Variants in BCAS1 observed in about 807,000 individuals in gnomAD.
BCAS1 encodes the protein brain enriched myelin associated protein 1, also known as breast carcinoma-amplified sequence 1.
BCAS1 carries 46 observed loss-of-function variants against 65.4 expected under a neutral mutation model. The observed-to-expected ratio is 0.70, with a 90% confidence interval of 0.55 to 0.90. The LOEUF (loss-of-function observed/expected upper bound fraction) is 0.90. Among genes scored for constraint, BCAS1 ranks in the 40% least tolerant of loss-of-function variants. The probability of loss-of-function intolerance (pLI) is 0.00; values close to 1 mark genes in which losing one functional copy is unlikely to be tolerated. For synonymous variants in BCAS1, 298 were observed against 293.5 expected (o/e 1.02, Z -0.16); for missense variants, 793 against 771.2 (o/e 1.03, Z -0.33).
At chr20:54,042,312 G>A (rs2092014474) in intron 3 of BCAS1, among the ~76,000 whole-genome samples, 1 of 152,004 alleles carries the variant, frequency 6.6e-6, no homozygotes, top group Non-Finnish European at 1.5e-5. Context: ...GTACCCGGGT[G>A]AAAAAATAAT....
chr20:54,018,401 CTTTTTTT>C (rs35997009), intron 4 of BCAS1, among the ~76,000 whole-genome samples: 1 of 136,378 alleles, frequency 7.3e-6, no homozygotes, highest in African/African-American at 2.7e-5. Flanking sequence ...TATCCACTTA[CTTTTTTT>C]TTTTTTTTTT....
rs563400608 is a variant in BCAS1, at chr20:53,996,974, T to C, written c.724-924A>G. Among the ~76,000 whole-genome samples the C allele has an allele frequency of 2.6e-5, 4 of 152,378 alleles. No homozygotes were observed. The South Asian group carries it at 6.2e-4, about 24-fold the overall frequency. On this transcript the variant is annotated intron_variant, in intron 4 of 12. Coordinates refer to ENST00000688948, the MANE Select transcript of BCAS1 (RefSeq NM_001366298.2). ...GGTTATTTCCAAACTTCTGGCTCTC[T>C]GTTTGAAACATTCTGCTCCTCTGTC...
intron 3 of BCAS1, among the ~76,000 whole-genome samples, chr20:54,050,837 T>A (rs2092199537): frequency 6.6e-6 from 1 of 152,198 alleles, no homozygotes; most frequent in Non-Finnish European, 1.5e-5. Flanking sequence ...GAAGAACAAA[T>A]GTTAACTAAA....
chr20:53,977,405 G>A (rs1170280377), intron 8 of BCAS1, among the ~76,000 whole-genome samples: 4 of 152,104 alleles, frequency 2.6e-5, no homozygotes, highest in Non-Finnish European at 4.4e-5. Flanking sequence ...CCTCAAGGCC[G>A]GCCCACAAAA....
At position 54,015,480 on chromosome 20, in the gene BCAS1, GT is replaced by G. The variant is rs200397142; in HGVS notation, c.723+12911del. Among the ~76,000 whole-genome samples, 71 of 148,858 alleles carry G rather than the reference GT, an allele frequency of 4.8e-4. No homozygotes were observed. In the East Asian group the frequency reaches 0.01, roughly 21 times the overall value. On this transcript the variant is annotated intron_variant, in intron 4 of 12. Coordinates refer to ENST00000688948, the MANE Select transcript of BCAS1 (RefSeq NM_001366298.2). Reference sequence around the variant, plus strand: ...TCAACTGATAAAAATTCAATGAGTAGTTTTTTTTTTATAATGCATTCACATC... The same window carrying G: ...TCAACTGATAAAAATTCAATGAGTAGTTTTTTTTTATAATGCATTCACATC...
intron 10 of BCAS1, among the ~76,000 whole-genome samples, chr20:53,958,450 T>C (rs754474594): frequency 1.3e-5 from 2 of 152,156 alleles, no homozygotes; most frequent in Non-Finnish European, 2.9e-5. Context: ...GTTTCAGCCA[T>C]ATGGGGCAAA....
rs962174902 is a variant in BCAS1 at position 54,000,095 on chromosome 20, G to A, written c.724-4045C>T. ...ACTTTAAGTTGCTATAATATATCCC[G>A]GCATATCTGATGCTGCTAATTGCTT... On this transcript the variant is annotated intron_variant, in intron 4 of 12. Coordinates refer to ENST00000688948, the MANE Select transcript of BCAS1 (RefSeq NM_001366298.2). 6.6e-5 allele frequency among the ~76,000 whole-genome samples: 10 copies of A among 152,042 alleles called. 1 individual carries two copies. Among genetic ancestry groups the A allele is most frequent in the Admixed American group, 1.3e-4 (2 of 15,264 alleles).
chr20:54,065,720 G>A (rs565198699), intron 1 of BCAS1, among the ~76,000 whole-genome samples: 21 of 152,276 alleles, frequency 1.4e-4, no homozygotes, highest in Admixed American at 5.2e-4. Context: ...GTGAAATAGC[G>A]CAAGCCCTCT....
At chr20:53,971,793 C>G (rs892536660) in intron 9 of BCAS1, among the ~76,000 whole-genome samples, 3 of 152,122 alleles carry the variant, frequency 2.0e-5, no homozygotes, top group African/African-American at 7.2e-5. Context: ...AGATAAACAA[C>G]AGAAGTACCT....
rs190350184 is a variant in BCAS1 at position 53,981,787 on chromosome 20, T to A, written c.1275+3500A>T. Reference sequence around the variant, plus strand: ...AGGGATATTTTGAAGATATTCCAAATATATCAATTATTAATTACAAATACA... The same window carrying A: ...AGGGATATTTTGAAGATATTCCAAAAATATCAATTATTAATTACAAATACA... On this transcript the variant is annotated intron_variant, in intron 8 of 12. Transcript: ENST00000688948. Among the ~76,000 whole-genome samples, 17 of 150,784 alleles carry A rather than the reference T, an allele frequency of 1.1e-4. No homozygotes were observed. The East Asian group carries it at 2.7e-3, about 24-fold the overall frequency.
chr20:54,015,696 C>T (rs144707016), intron 4 of BCAS1, among the ~76,000 whole-genome samples: 281 of 152,270 alleles, frequency 1.8e-3, no homozygotes, highest in Non-Finnish European at 3.0e-3. Flanking sequence ...TGAATTGTCA[C>T]ATAAGCTCTG....
intron 3 of BCAS1, among the ~76,000 whole-genome samples, chr20:54,029,583 G>T (rs1391706361): frequency 6.6e-6 from 1 of 152,192 alleles, no homozygotes; most frequent in East Asian, 1.9e-4. Flanking sequence ...TTTGAATCCA[G>T]ATTATCTAAT....
At chr20:54,034,536 G>T (rs562230765) in intron 3 of BCAS1, among the ~76,000 whole-genome samples, 9 of 150,914 alleles carry the variant, frequency 6.0e-5, no homozygotes, top group African/African-American at 1.9e-4. Context: ...ACTCACAATC[G>T]CCACAAAAAG....
intron 1 of BCAS1, among the ~76,000 whole-genome samples, chr20:54,065,259 A>G (rs1447917159): frequency 2.0e-5 from 3 of 149,734 alleles, no homozygotes; most frequent in Non-Finnish European, 4.5e-5. Flanking sequence ...CCAGGACTAT[A>G]TATCTATATT....
At chr20:54,020,216 C>T (rs6127062) in intron 4 of BCAS1, among the ~76,000 whole-genome samples, 26,932 of 152,084 alleles carry the variant, frequency 0.18, 2,503 homozygotes, top group East Asian at 0.35. Context: ...GTTACTTTAC[C>T]TCTCCGTGAC....
chr20:54,013,102 A>C (rs1307130438), intron 4 of BCAS1, among the ~76,000 whole-genome samples: 1 of 152,260 alleles, frequency 6.6e-6, no homozygotes, highest in East Asian at 1.9e-4. Context: ...GCATACATGC[A>C]TACGTTGTAT....
At chr20:53,950,471 C>T (rs1229511136) in intron 12 of BCAS1, among the ~76,000 whole-genome samples, 1 of 150,834 alleles carries the variant, frequency 6.6e-6, no homozygotes, top group Non-Finnish European at 1.5e-5. Context: ...AAGTAGCACA[C>T]ACCCCCCCAT....
chr20:54,061,917 T>A (rs1231288620), intron 1 of BCAS1, among the ~76,000 whole-genome samples: 2 of 152,082 alleles, frequency 1.3e-5, no homozygotes, highest in African/African-American at 4.8e-5. Flanking sequence ...TCACTGCCTG[T>A]TTTAGTAGGC....
intron 4 of BCAS1, among the ~76,000 whole-genome samples, chr20:53,998,022 T>G (rs896872509): frequency 6.6e-6 from 1 of 152,234 alleles, no homozygotes; most frequent in Non-Finnish European, 1.5e-5. Flanking sequence ...GAGACACTTC[T>G]GTTTCCTCAA....
Sources: gnomAD v4.1 joint callset for allele counts (sites outside exome capture counted in the v4.1 genomes callset) on GRCh38, gnomAD v4.1.1 for gene constraint, MANE v1.5 for transcripts, NCBI Gene and HGNC (gene_info 2026-07-23, HGNC 2026-07-21) for gene names.